PRDM2: variants seen among roughly 807,000 people sequenced by gnomAD.
The protein encoded by PRDM2 is PR domain zinc finger protein 2.
A neutral mutation model predicts 130.0 loss-of-function variants in PRDM2; 30 were observed. That is an observed-to-expected ratio of 0.23 (90% CI 0.17 to 0.31). PRDM2 has a LOEUF of 0.31. PRDM2 is among the 10% of genes least tolerant of loss of function. PRDM2 has a pLI of 1.00. For missense variants in PRDM2, 2,011 were observed against 2,108.4 expected (o/e 0.95, Z 0.90); for synonymous variants, 871 against 782.4 (o/e 1.11, Z -1.89).
At chr1:13,783,199 T>C (rs754272278) in intron 8 of PRDM2, 11 of 520,180 alleles carry the variant, frequency 2.1e-5, no homozygotes, top group Admixed American at 1.8e-4. Flanking sequence ...TCATAGAACA[T>C]TTCTTAGGTT....
At chr1:13,791,966 G>T (rs1644847895) in intron 8 of PRDM2, among the ~76,000 whole-genome samples, 1 of 152,210 alleles carries the variant, frequency 6.6e-6, no homozygotes, top group Middle Eastern at 3.4e-3. Flanking sequence ...GCCTTCCCAT[G>T]TCCAGCTAAT....
chr1:13,786,330 T>C (rs1644738909), intron 8 of PRDM2, among the ~76,000 whole-genome samples: 1 of 152,162 alleles, frequency 6.6e-6, no homozygotes. Flanking sequence ...TGGAAATAAA[T>C]GCGTGTAGTT....
At position 13,780,245 on chromosome 1, in the gene PRDM2, G is replaced by A; in HGVS notation, c.2450G>A (p.Ser817Asn). The change falls in exon 8 of 10, where the codon AGT becomes AAT. Residue 817 changes from serine (S) to asparagine (N), a missense_variant. Transcript: ENST00000311066. ...KEWTASSAFS[S>N]VCNQQPLDLS... ...TGGACAGCTAGTTCTGCTTTTAGCA[G>A]TGTGTGCAACCAGCAGCCACTGGAT... 1 of 1,613,214 alleles carries A rather than the reference G, an allele frequency of 6.2e-7. No homozygotes were observed. The highest frequency in any genetic ancestry group is 8.5e-7 in the Non-Finnish European group (1 of 1,179,494).
At chr1:13,749,678 C>T (rs1011459466) in intron 6 of PRDM2, among the ~76,000 whole-genome samples, 191 bp downstream of exon 6, 3 of 151,586 alleles carry the variant, frequency 2.0e-5, no homozygotes, top group South Asian at 2.1e-4. Context: ...CGGTCCCGCT[C>T]GGGCCCTGCG....
intron 9 of PRDM2, among the ~76,000 whole-genome samples, chr1:13,821,126 C>T (rs1473566913): frequency 3.3e-5 from 5 of 152,034 alleles, no homozygotes; most frequent in Admixed American, 6.5e-5. Flanking sequence ...GGCTACTTCA[C>T]GCCTCTGTGT....
rs747444253 is a variant in PRDM2 at position 13,778,779 on chromosome 1, A to G, written c.984A>G (p.Glu328=). 6 of 1,614,118 alleles carry G rather than the reference A, an allele frequency of 3.7e-6. No individual in the cohort carries two copies. The East Asian group carries it at 1.3e-4, about 36-fold the overall frequency. Residue 328 remains glutamate (E), a synonymous_variant, in exon 8 of 10, where the codon GAA becomes GAG. Transcript: ENST00000311066. The part of the protein sequence containing the change: ...DLLEEPKTTS[E]ETLEDCSEVT... Reference sequence around the variant, plus strand: ...TAGAGGAACCAAAAACAACTTCAGAAGAAACTCTTGAAGACTGCTCAGAGG... The same window carrying G: ...TAGAGGAACCAAAAACAACTTCAGAGGAAACTCTTGAAGACTGCTCAGAGG...
intron 4 of PRDM2, among the ~76,000 whole-genome samples, chr1:13,739,101 C>T (rs1016619260): frequency 6.6e-6 from 1 of 151,162 alleles, no homozygotes; most frequent in Non-Finnish European, 1.5e-5. Flanking sequence ...GGCTGGAGTG[C>T]AGTGACGCGA....
Position 13,777,798 on chromosome 1 carries a change from C to A in PRDM2, c.623-620C>A, listed in dbSNP as rs1557643936. On this transcript the variant is annotated intron_variant, in intron 7 of 9. Transcript: ENST00000311066. ...GATTTCTGTTCCCTTCAGTGAGATG[C>A]TCCTGAGTTCTTAATAACTTGGCTA... Among the ~76,000 whole-genome samples, 2 of 151,426 alleles carry A rather than the reference C, an allele frequency of 1.3e-5. 1 individual carries two copies. The highest frequency in any genetic ancestry group is 3.9e-4 in the East Asian group (2 of 5,170).
chr1:13,817,059 A>G (rs1243443873), intron 9 of PRDM2, among the ~76,000 whole-genome samples: 4 of 152,234 alleles, frequency 2.6e-5, no homozygotes, highest in Non-Finnish European at 2.9e-5. Context: ...AATGTTTTTG[A>G]AAGTCAAAAT....
intron 7 of PRDM2, 94 bp from the exon 8 acceptor site, chr1:13,778,323 TG>T: frequency 8.0e-7 from 1 of 1,244,770 alleles, no homozygotes; most frequent in Non-Finnish European, 1.1e-6. Flanking sequence ...ATGTTTTAGG[TG>T]GTAAGAGAAA....
chr1:13,786,581 A>C, intron 8 of PRDM2: 1 of 1,602,644 alleles, frequency 6.2e-7, no homozygotes, highest in South Asian at 1.1e-5. Flanking sequence ...TTGCATGCTC[A>C]ACTTAGGATA....
At chr1:13,811,667 C>A (rs1435687355) in intron 8 of PRDM2, among the ~76,000 whole-genome samples, 1 of 152,162 alleles carries the variant, frequency 6.6e-6, no homozygotes, top group African/African-American at 2.4e-5. Context: ...TCAAAGACAT[C>A]CTCTTCTAGT....
In PRDM2 at chr1:13,782,356, G is replaced by C. The variant is rs769132237; in HGVS notation, c.4561G>C (p.Glu1521Gln). The C allele has an allele frequency of 6.2e-7, 1 of 1,614,052 alleles. No homozygotes were observed. The highest frequency in any genetic ancestry group is 2.2e-5 in the East Asian group (1 of 44,868). The change falls in exon 8 of 10, where the codon GAG becomes CAG. Residue 1521 changes from glutamate to glutamine, a missense_variant. Physicochemically the swap from Glu to Gln is conservative, Grantham distance 29 (BLOSUM62 2). Coordinates refer to ENST00000311066, the MANE Select transcript of PRDM2 (RefSeq NM_001393986.1). The part of the protein sequence containing the change: ...SNHRRRTADA[E>Q]IKMQSMQTPL... ...CCACCGCAGACGGACAGCGGATGCG[G>C]AGATTAAAATGCAAAGCATGCAGAC...
intron 6 of PRDM2, among the ~76,000 whole-genome samples, chr1:13,765,650 A>G (rs1458746365): frequency 6.6e-6 from 1 of 152,112 alleles, no homozygotes; most frequent in East Asian, 1.9e-4. Flanking sequence ...TATTTTTAGT[A>G]GAGATGGGAT....
chr1:13,820,906 C>A (rs1645338526), intron 9 of PRDM2, among the ~76,000 whole-genome samples: 1 of 152,200 alleles, frequency 6.6e-6, no homozygotes, highest in Non-Finnish European at 1.5e-5. Context: ...GCCTCTGCTT[C>A]CTTTTCTTCC....
At chr1:13,795,144 G>T (rs1042860214) in intron 8 of PRDM2, among the ~76,000 whole-genome samples, 2 of 152,150 alleles carry the variant, frequency 1.3e-5, no homozygotes, top group African/African-American at 4.8e-5. Flanking sequence ...TAAAAGGTAA[G>T]TTAAGAAGAA....
chr1:13,752,535 C>T (rs898752766), intron 6 of PRDM2, among the ~76,000 whole-genome samples: 8 of 152,160 alleles, frequency 5.3e-5, no homozygotes, highest in Non-Finnish European at 5.9e-5. Flanking sequence ...AGAAGTATTT[C>T]TCATCTTCTT....
chr1:13,823,112 T>G (rs1308991743), intron 9 of PRDM2, 47 bp from the exon 10 acceptor site: 2 of 1,562,278 alleles, frequency 1.3e-6, no homozygotes, highest in African/African-American at 2.7e-5. Context: ...TGGTCGGCAC[T>G]GAATGTGTGC....
In PRDM2 at chr1:13,823,266, T is replaced by C; in HGVS notation, c.*131T>C. 6.8e-7 allele frequency: 1 copy of C among 1,465,592 alleles called. No homozygotes were observed. The highest frequency in any genetic ancestry group is 1.4e-5 in the African/African-American group (1 of 71,756). 90.8% of individuals were successfully genotyped at this position (1,465,592 alleles called of 1,614,324 possible). A position where few individuals can be genotyped will look rare whatever the true frequency, so the allele number is the denominator to read the frequency against. On this transcript the variant is annotated 3_prime_UTR_variant, in exon 10 of 10. Transcript: ENST00000311066. ...GAGGCTGCGAGAGAAAGGGAGTGCA[T>C]GTGCGCGCGTGCATGTGTGCGTGCG...
Sources: gnomAD v4.1 joint callset for allele counts (sites outside exome capture counted in the v4.1 genomes callset) on GRCh38, gnomAD v4.1.1 for gene constraint, MANE v1.5 for transcripts, NCBI Gene and HGNC (gene_info 2026-07-23, HGNC 2026-07-21) for gene names.